The following ICAM1 variants were observed in gnomAD, a reference collection of about 807,000 sequenced individuals.
ICAM1 encodes ICAM-1.
In ICAM1, 28 loss-of-function variants were observed where a neutral mutation model predicts 42.3. That is an observed-to-expected ratio of 0.66 (90% CI 0.49 to 0.91). The LOEUF (loss-of-function observed/expected upper bound fraction) is 0.91, where lower values mean the gene tolerates loss of function less well. ICAM1 is among the 40% of genes least tolerant of loss of function. The pLI is 0.00. For synonymous variants in ICAM1, 304 were observed against 305.9 expected, an observed-to-expected ratio of 0.99 and a Z score of 0.07; for missense variants, 637 against 688.6, an observed-to-expected ratio of 0.93 and a Z score of 0.84.
intron 2 of ICAM1, chr19:10,283,037 A>ATT: frequency 6.6e-6 from 1 of 152,144 alleles, no homozygotes; most frequent in African/African-American, 2.4e-5. Context: ...TAATTAATTA[A>ATT]AAATAAAAAT....
Position 10,283,604 on chromosome 19 carries a change from G to A in ICAM1, c.455G>A (p.Arg152His), listed in dbSNP as rs370720409. 3.1e-5 allele frequency: 50 copies of A among 1,614,012 alleles called. 1 individual carries two copies. Among genetic ancestry groups the A allele is most frequent in the African/African-American group, 1.7e-4 (13 of 75,078 alleles). ...GCCAACCTCACCGTGGTGCTGCTCC[G>A]TGGGGAGAAGGAGCTGAAACGGGAG... ...PRANLTVVLL[R>H]GEKELKREPA... Residue 152 changes from arginine to histidine, a missense_variant, in exon 3 of 7, where the codon CGT (arginine) becomes CAT (histidine). Arg to His is a conservative substitution (Grantham distance 29). Coordinates refer to ENST00000264832, the MANE Select transcript of ICAM1 (RefSeq NM_000201.3).
chr19:10,283,343 C>A, intron 2 of ICAM1, 138 bp from the exon 3 acceptor site: 1 of 770,138 alleles, frequency 1.3e-6, no homozygotes, highest in Non-Finnish European at 2.0e-6. Flanking sequence ...AAGATCTTGA[C>A]ATTCCTATCT....
At chr19:10,274,172 G>A (rs984006498) in intron 1 of ICAM1, among the ~76,000 whole-genome samples, 5 of 151,936 alleles carry the variant, frequency 3.3e-5, no homozygotes, top group South Asian at 2.1e-4. Context: ...CCTTTTCTCC[G>A]GACAGCCAGC....
At chr19:10,281,721 C>CTTT (rs33958632) in intron 2 of ICAM1, among the ~76,000 whole-genome samples, 2 of 106,134 alleles carry the variant, frequency 1.9e-5, no homozygotes, top group East Asian at 2.6e-4. Context: ...GGTCCTGATG[C>CTTT]TTTTTTTTTT....
At position 10,284,649 on chromosome 19, in the gene ICAM1, G is replaced by C; in HGVS notation, c.1172G>C (p.Arg391Pro). 10 of 1,613,958 alleles carry C rather than the reference G, an allele frequency of 6.2e-6. No individual in the cohort carries two copies. The highest frequency in any genetic ancestry group is 1.1e-5 in the South Asian group (1 of 91,078). ...CACAAGAACCAGACCCGGGAGCTTC[G>C]TGTCCTGTGTGAGTGGGGCTGCTGG... ...LIHKNQTREL[R>P]VLYGPRLDER... The change falls in exon 5 of 7, where the codon CGT (arginine) becomes CCT (proline). Residue 391 changes from arginine to proline, a missense_variant. Physicochemically the swap from Arg to Pro is moderately radical, Grantham distance 103. Transcript: ENST00000264832. The surrounding 1 kb of genome is among the most constrained non-coding windows in gnomAD (Gnocchi z 5.4).
At position 10,278,726 on chromosome 19, in the gene ICAM1, G is replaced by C. The variant is rs149697302; in HGVS notation, c.331+3698G>C. On this transcript the variant is annotated intron_variant, in intron 2 of 6. Coordinates refer to ENST00000264832, the MANE Select transcript of ICAM1 (RefSeq NM_000201.3). ...CTGGCTAATTTTTGTATTTTTAGTA[G>C]AGACAGGGTTTCGCCAAGTTGGCCA... 7.0e-3 allele frequency among the ~76,000 whole-genome samples: 1,058 copies of C among 151,970 alleles called. 10 individuals carry two copies. The highest frequency in any genetic ancestry group is 0.024 in the African/African-American group (995 of 41,436).
chr19:10,283,841 C>T lies in ICAM1; in HGVS notation c.637+55C>T, dbSNP rs13306428. ...GGTGGGGGTGGGGTATCCTGCAATG[C>T]GGTGCCTGTGGCCACAGGATCTTTT... On this transcript the variant is annotated intron_variant, in intron 3 of 6. Coordinates refer to ENST00000264832, the MANE Select transcript of ICAM1 (RefSeq NM_000201.3). 505 of 1,514,290 alleles carry T rather than the reference C, an allele frequency of 3.3e-4. No homozygotes were observed. The East Asian group carries it at 7.4e-3, about 22-fold the overall frequency. 93.8% of individuals were successfully genotyped at this position (1,514,290 alleles called of 1,614,324 possible).
rs2040089645 is a variant in ICAM1 at position 10,284,729 on chromosome 19, G to T, written c.1181-54G>T. On this transcript the variant is annotated intron_variant, in intron 5 of 6. Coordinates refer to ENST00000264832, the MANE Select transcript of ICAM1 (RefSeq NM_000201.3). This position sits in a 1 kb window ranked among gnomAD's most constrained non-coding sequence, Gnocchi z 5.4. The stretch of plus-strand genomic sequence containing the variant: ...CTCCCTGAAGGTCCCATAAGGTCTT[G>T]CCTCCAAGTCCTGCCCCCACCCACC... 2.5e-6 allele frequency: 4 copies of T among 1,608,794 alleles called. No homozygotes were observed. Among genetic ancestry groups the T allele is most frequent in the Non-Finnish European group, 3.4e-6 (4 of 1,178,516 alleles).
chr19:10,280,438 A>C (rs1477418711), intron 2 of ICAM1, among the ~76,000 whole-genome samples: 1 of 152,206 alleles, frequency 6.6e-6, no homozygotes, highest in East Asian at 1.9e-4. Context: ...CAGTGGTACA[A>C]TCGTAGCTGA....
At chr19:10,281,399 G>A (rs1474255150) in intron 2 of ICAM1, among the ~76,000 whole-genome samples, 1 of 151,570 alleles carries the variant, frequency 6.6e-6, no homozygotes, top group Non-Finnish European at 1.5e-5. Flanking sequence ...TGGGATTACA[G>A]ATGTGAGCCA....
intron 1 of ICAM1, 55 bp downstream of exon 1, chr19:10,271,281 C>T (rs1046169102): frequency 6.6e-7 from 1 of 1,511,630 alleles, no homozygotes; most frequent in African/African-American, 1.4e-5. Flanking sequence ...CCGGGAGGAC[C>T]GGCTCCCGGG....
At chr19:10,272,881 TC>T (rs2039992321) in intron 1 of ICAM1, among the ~76,000 whole-genome samples, 1 of 152,094 alleles carries the variant, frequency 6.6e-6, no homozygotes, top group African/African-American at 2.4e-5. Context: ...TTGCTACCCA[TC>T]CTGTGCTGAG....
At chr19:10,283,046 A>T (rs1352900463) in intron 2 of ICAM1, 1 of 152,714 alleles carries the variant, frequency 6.5e-6, no homozygotes, top group Non-Finnish European at 1.5e-5. Flanking sequence ...AAAAATAAAA[A>T]TACAAAAATT....
At position 10,283,709 on chromosome 19, in the gene ICAM1, G is replaced by A. The variant is rs766833990; in HGVS notation, c.560G>A (p.Arg187His). Residue 187 changes from arginine (R) to histidine (H), a missense_variant, in exon 3 of 7, where the codon CGC (arginine) becomes CAC (histidine). By Grantham distance (29) the Arg-to-His change is conservative. Coordinates refer to ENST00000264832, the MANE Select transcript of ICAM1 (RefSeq NM_000201.3). The part of the protein sequence containing the change: ...RDHHGANFSC[R>H]TELDLRPQGL... ...CACCATGGAGCCAATTTCTCGTGCC[G>A]CACTGAACTGGACCTGCGGCCCCAA... The A allele has an allele frequency of 1.6e-5, 26 of 1,613,584 alleles. 1 individual carries two copies. The South Asian group carries it at 2.0e-4, about 12-fold the overall frequency.
intron 2 of ICAM1, 67 bp downstream of exon 2, chr19:10,275,095 C>CA: frequency 6.5e-7 from 1 of 1,530,094 alleles, no homozygotes; most frequent in Non-Finnish European, 8.9e-7. Flanking sequence ...GGGGCACCTG[C>CA]AGAGGCCTGG....
chr19:10,271,595 A>G (rs535583012), intron 1 of ICAM1, among the ~76,000 whole-genome samples: 1 of 151,998 alleles, frequency 6.6e-6, no homozygotes, highest in East Asian at 1.9e-4. Flanking sequence ...CGTCTCTTAC[A>G]GTTTCTCAGC....
chr19:10,283,916 G>T, intron 3 of ICAM1, 117 bp from the exon 4 acceptor site: 1 of 1,445,726 alleles, frequency 6.9e-7, no homozygotes, highest in South Asian at 1.3e-5. Context: ...AGGCGTATGT[G>T]ACCTAGGCTG....
At chr19:10,274,715 T>C (rs1233411152) in intron 1 of ICAM1, 50 bp from the exon 2 acceptor site, 2 of 1,588,904 alleles carry the variant, frequency 1.3e-6, no homozygotes, top group Non-Finnish European at 1.7e-6. Context: ...CACATTCCCT[T>C]GATGAACCTG....
chr19:10,284,415 C>G lies in ICAM1; in HGVS notation c.938C>G (p.Pro313Arg), dbSNP rs1411318260. The part of the protein sequence containing the change: ...QTVTIYSFPA[P>R]NVILTKPEVS... ...GTGCCTATTCCAGGCTTTCCGGCGCCCAACGTGATTCTGACGAAGCCAGAG... is the reference window on the plus strand; with the variant it reads ...GTGCCTATTCCAGGCTTTCCGGCGCGCAACGTGATTCTGACGAAGCCAGAG... The change falls in exon 5 of 7, where the codon CCC becomes CGC. Residue 313 changes from proline to arginine, a missense_variant. Transcript: ENST00000264832. This position sits in a 1 kb window ranked among gnomAD's most constrained non-coding sequence, Gnocchi z 5.4. 1 of 1,613,244 alleles carries G rather than the reference C, an allele frequency of 6.2e-7. No homozygotes were observed. Among genetic ancestry groups the G allele is most frequent in the Non-Finnish European group, 8.5e-7 (1 of 1,180,010 alleles).
Sources: allele counts gnomAD v4.1 joint callset (sites outside exome capture counted in the v4.1 genomes callset), GRCh38; gene constraint gnomAD v4.1.1; non-coding constraint Gnocchi (gnomAD v3.1); transcripts MANE v1.5; gene names NCBI Gene and HGNC (gene_info 2026-07-23, HGNC 2026-07-21).